The following NUGGC variants were observed in gnomAD, a reference collection of about 807,000 sequenced individuals.
NUGGC encodes nuclear GTPase SLIP-GC.
Under a neutral mutation model 92.6 loss-of-function variants are expected in NUGGC, and 58 were observed. That is an observed-to-expected ratio of 0.63 (90% CI 0.51 to 0.78). NUGGC has a LOEUF of 0.78. Ranked by LOEUF, NUGGC falls within the 30% of genes least tolerant of loss-of-function variation. The pLI is 0.00. For missense variants in NUGGC, 925 were observed against 964.6 expected, an observed-to-expected ratio of 0.96 and a Z score of 0.54; for synonymous variants, 376 against 366.4, an observed-to-expected ratio of 1.03 and a Z score of -0.30.
chr8:28,030,815 A>T (rs1809399248), intron 15 of NUGGC, among the ~76,000 whole-genome samples: 1 of 152,194 alleles, frequency 6.6e-6, no homozygotes, highest in Non-Finnish European at 1.5e-5. Context: ...AAAACTAAAA[A>T]TTGACCTAAA....
intron 18 of NUGGC, among the ~76,000 whole-genome samples, chr8:28,024,830 G>C (rs369083203): frequency 3.3e-5 from 5 of 152,122 alleles, no homozygotes; most frequent in Non-Finnish European, 5.9e-5. Context: ...CTTCAGTGAC[G>C]CTTCCCCGCG....
intron 17 of NUGGC, 43 bp from the exon 18 acceptor site, chr8:28,027,095 A>C: frequency 6.8e-7 from 1 of 1,466,362 alleles, no homozygotes; most frequent in Non-Finnish European, 9.6e-7. Flanking sequence ...GGTGCAGCCC[A>C]AGGAAAAGTG....
chr8:28,028,357 G>A (rs1809322735), intron 17 of NUGGC, among the ~76,000 whole-genome samples: 1 of 152,212 alleles, frequency 6.6e-6, no homozygotes, highest in African/African-American at 2.4e-5. Flanking sequence ...CCTACTCCAA[G>A]GGGAATTACA....
chr8:28,069,688 T>C, intron 3 of NUGGC, 36 bp from the exon 4 acceptor site: 1 of 1,163,526 alleles, frequency 8.6e-7, no homozygotes, highest in East Asian at 2.3e-5. Context: ...TGCAGGTACC[T>C]GGCAGGGATA....
intron 1 of NUGGC, among the ~76,000 whole-genome samples, chr8:28,076,251 G>A (rs1239384310): frequency 1.3e-5 from 2 of 152,214 alleles, no homozygotes; most frequent in African/African-American, 4.8e-5. Context: ...AGCTTTTGAT[G>A]AGATTCCACA....
intron 12 of NUGGC, among the ~76,000 whole-genome samples, chr8:28,044,291 G>A (rs574720380): frequency 2.6e-4 from 39 of 152,262 alleles, no homozygotes; most frequent in Admixed American, 1.6e-3. Flanking sequence ...ACGGGTGAAG[G>A]CAAGTGTGCA....
At position 28,083,935 on chromosome 8, in the gene NUGGC, G is replaced by C. The variant is rs1012439941; in HGVS notation, c.-207C>G. ...ACAAAGCCACGTTTACACAGCAGAA[G>C]TGAAACCAACTTGCCATCAGGGAGC... is the stretch of plus-strand genomic sequence containing the variant. On this transcript the variant is annotated 5_prime_UTR_variant, in exon 1 of 19. Coordinates refer to ENST00000413272, the MANE Select transcript of NUGGC (RefSeq NM_001010906.2). 3.9e-5 allele frequency: 6 copies of C among 152,134 alleles called. No homozygotes were observed. The highest frequency in any genetic ancestry group is 1.4e-4 in the African/African-American group (6 of 41,420). 9.4% of individuals were successfully genotyped at this position (152,134 alleles called of 1,614,324 possible). A position where few individuals can be genotyped will look rare whatever the true frequency, so the allele number is the denominator to read the frequency against.
intron 5 of NUGGC, 66 bp downstream of exon 5, chr8:28,068,150 C>G: frequency 1.0e-6 from 1 of 959,618 alleles, no homozygotes; most frequent in South Asian, 1.5e-5. Flanking sequence ...AAGGAGGGAA[C>G]GAAAAAGGAA....
intron 17 of NUGGC, among the ~76,000 whole-genome samples, chr8:28,028,120 T>C (rs1318324313): frequency 6.6e-6 from 1 of 152,146 alleles, no homozygotes; most frequent in Non-Finnish European, 1.5e-5. Flanking sequence ...AGTTTTAACT[T>C]CCTATGTTTC....
rs1809370565 is a variant in NUGGC at position 28,029,904 on chromosome 8, A to G, written c.2017+406T>C. On this transcript the variant is annotated intron_variant, in intron 16 of 18. Transcript: ENST00000413272. Reference sequence around the variant, plus strand: ...AGCATTCAGAAAACCTAATGACTGAATTAAGCTGAAACTTGCAAAATCACT... The same window carrying G: ...AGCATTCAGAAAACCTAATGACTGAGTTAAGCTGAAACTTGCAAAATCACT... Among the ~76,000 whole-genome samples the G allele has an allele frequency of 2.0e-5, 3 of 152,370 alleles. No individual in the cohort carries two copies. The South Asian group carries it at 6.2e-4, about 32-fold the overall frequency.
At position 28,048,400 on chromosome 8, in the gene NUGGC, G is replaced by T. The variant is rs533082456; in HGVS notation, c.1207-788C>A. Among the ~76,000 whole-genome samples, 9 of 150,980 alleles carry T rather than the reference G, an allele frequency of 6.0e-5. No homozygotes were observed. The South Asian group carries it at 1.5e-3, about 24-fold the overall frequency. On this transcript the variant is annotated intron_variant, in intron 10 of 18. Coordinates refer to ENST00000413272, the MANE Select transcript of NUGGC (RefSeq NM_001010906.2). The stretch of plus-strand genomic sequence containing the variant: ...GGCAAATGGTACACATCAGCCTTTT[G>T]GGTTTTTTGTTTGTTTGTTTGTTTT...
Position 28,064,687 on chromosome 8 carries a change from C to T in NUGGC, c.756G>A (p.Gln252=). Residue 252 remains glutamine, a synonymous_variant, in exon 7 of 19, where the codon CAG becomes CAA. Transcript: ENST00000413272. The part of the protein sequence containing the change: ...SIKLDPYIRT[Q]RRDWDGEAAE... ...CGGCCTCTCCATCCCAATCTCTCCT[C>T]TGTGTGCGGATGTAGGGGTCCAGCT... is the stretch of plus-strand genomic sequence containing the variant. 10 of 1,614,064 alleles carry T rather than the reference C, an allele frequency of 6.2e-6. No homozygotes were observed. The highest frequency in any genetic ancestry group is 8.5e-6 in the Non-Finnish European group (10 of 1,179,908).
chr8:28,024,064 C>T (rs1386330891), intron 18 of NUGGC, among the ~76,000 whole-genome samples: 1 of 152,132 alleles, frequency 6.6e-6, no homozygotes, highest in African/African-American at 2.4e-5. Context: ...GCTCTTGTCA[C>T]CAAGTCTGCA....
chr8:28,047,507 C>T lies in NUGGC; in HGVS notation c.1312G>A (p.Glu438Lys), dbSNP rs1330415660. ...TGGAGATTTAAAAAACATAAATTAC[C>T]CGTTTCCTCCTCGGTGAGGAGAGCC... ...QQALLTEEET[E>K]IPKLREYIRK... is the part of the protein sequence containing the mutation. Residue 438 changes from glutamate (E) to lysine (K), a missense_variant and splice_region_variant, in exon 11 of 19, where the codon GAA becomes AAA. Glu to Lys is a moderately conservative substitution (Grantham distance 56). Transcript: ENST00000413272. The T allele has an allele frequency of 6.6e-7, 1 of 1,526,360 alleles. No individual in the cohort carries two copies. Among genetic ancestry groups the T allele is most frequent in the East Asian group, 2.4e-5 (1 of 41,170 alleles). The allele number at this position is 1,526,360 out of a possible 1,614,324, so 94.6% of individuals were successfully genotyped here.
intron 10 of NUGGC, among the ~76,000 whole-genome samples, chr8:28,048,152 A>G (rs538944180): frequency 6.6e-6 from 1 of 152,294 alleles, no homozygotes; most frequent in South Asian, 2.1e-4. Flanking sequence ...CAACCAAATA[A>G]TTCCAGCTGA....
intron 2 of NUGGC, among the ~76,000 whole-genome samples, chr8:28,071,288 G>T (rs771461115): frequency 6.6e-6 from 1 of 152,178 alleles, no homozygotes; most frequent in Non-Finnish European, 1.5e-5. Context: ...GTGAGGAAAG[G>T]CCTCTGGGAG....
In NUGGC at chr8:28,046,458, G is replaced by A. The variant is rs182171508; in HGVS notation, c.1313-798C>T. 3.4e-4 allele frequency among the ~76,000 whole-genome samples: 52 copies of A among 152,168 alleles called. No individual in the cohort carries two copies. The East Asian group carries it at 6.0e-3, about 18-fold the overall frequency. On this transcript the variant is annotated intron_variant, in intron 11 of 18. Transcript: ENST00000413272. ...GCGCACGCAGAGCTCTAGGTTCCCC[G>A]GGCTTCTATTGCACTCATGGTCAGC...
chr8:28,049,217 T>C (rs1809926660), intron 10 of NUGGC, among the ~76,000 whole-genome samples: 1 of 152,204 alleles, frequency 6.6e-6, no homozygotes, highest in Non-Finnish European at 1.5e-5. Context: ...TACGGATATC[T>C]GTGCAGACTG....
Position 28,023,115 on chromosome 8 carries a change from G to T in NUGGC, c.*202C>A. ...TACCCAGGTGTGGTGGCCTGTACCT[G>T]TAGCCCCAGCTGCTCTGGAGGCTGA... On this transcript the variant is annotated 3_prime_UTR_variant, in exon 19 of 19. Transcript: ENST00000413272. The T allele has an allele frequency of 3.9e-6, 2 of 514,108 alleles. No homozygotes were observed. The highest frequency in any genetic ancestry group is 3.4e-6 in the Non-Finnish European group (1 of 296,964). 31.8% of individuals were successfully genotyped at this position (514,108 alleles called of 1,614,324 possible). A position where few individuals can be genotyped will look rare whatever the true frequency, so the allele number is the denominator to read the frequency against.
Sources: allele counts gnomAD v4.1 joint callset (sites outside exome capture counted in the v4.1 genomes callset), GRCh38; gene constraint gnomAD v4.1.1; transcripts MANE v1.5; gene names NCBI Gene and HGNC (gene_info 2026-07-23, HGNC 2026-07-21).